Variants in AKAP13 observed in about 807,000 individuals in gnomAD.
AKAP13 encodes the protein A-kinase anchor protein 13.
AKAP13 carries 80 observed loss-of-function variants against 264.5 expected under a neutral mutation model. The observed-to-expected ratio is 0.30, with a 90% CI of 0.25 to 0.36. AKAP13 has a LOEUF of 0.36. AKAP13 is among the 10% of genes least tolerant of loss of function. The pLI, the probability that AKAP13 is intolerant of heterozygous loss-of-function variation, is 1.00. For synonymous variants in AKAP13, 1,380 were observed against 1,250.2 expected (o/e 1.10, Z -2.19); for missense variants, 3,712 against 3,435.2 (o/e 1.08, Z -2.01).
intron 2 of AKAP13, chr15:85,520,593 T>C (rs1378902221): frequency 2.0e-6 from 1 of 510,254 alleles, no homozygotes; most frequent in Non-Finnish European, 3.9e-6. Context: ...TGGCTCAAGA[T>C]TTTTGTCTGA....
intron 4 of AKAP13, among the ~76,000 whole-genome samples, chr15:85,542,354 G>A (rs1398442183): frequency 6.6e-6 from 1 of 152,096 alleles, no homozygotes; most frequent in Non-Finnish European, 1.5e-5. Flanking sequence ...GAAAAATTGT[G>A]CTTCCAAGGA....
chr15:85,566,864 G>A (rs766081811), intron 5 of AKAP13, among the ~76,000 whole-genome samples: 6 of 151,848 alleles, frequency 4.0e-5, no homozygotes, highest in East Asian at 3.9e-4. Context: ...TCCTGACCTC[G>A]TGATCTGCCT....
At chr15:85,567,876 T>C (rs892258729) in intron 5 of AKAP13, among the ~76,000 whole-genome samples, 1 of 152,064 alleles carries the variant, frequency 6.6e-6, no homozygotes, top group Non-Finnish European at 1.5e-5. Flanking sequence ...ACACCTAATA[T>C]GGAGCTTCTG....
At chr15:85,623,570 T>C (rs188076604) in intron 8 of AKAP13, among the ~76,000 whole-genome samples, 3 of 152,362 alleles carry the variant, frequency 2.0e-5, no homozygotes, top group Non-Finnish European at 2.9e-5. Flanking sequence ...TATCAAGACC[T>C]TCTTGTAAGA....
chr15:85,551,826 A>G (rs552625623), intron 5 of AKAP13, among the ~76,000 whole-genome samples: 1 of 152,360 alleles, frequency 6.6e-6, no homozygotes, highest in South Asian at 2.1e-4. Flanking sequence ...CAGGTGTGAG[A>G]AAATGAAGGA....
chr15:85,681,574 T>G (rs1453640287), intron 14 of AKAP13, among the ~76,000 whole-genome samples: 1 of 151,968 alleles, frequency 6.6e-6, no homozygotes, highest in Non-Finnish European at 1.5e-5. Context: ...GCCATCTGTT[T>G]TATCTCCCTC....
At chr15:85,616,279 G>C (rs531045775) in intron 8 of AKAP13, among the ~76,000 whole-genome samples, 2 of 152,184 alleles carry the variant, frequency 1.3e-5, no homozygotes, top group Admixed American at 1.3e-4. Context: ...CAGCCACAGT[G>C]TTGACCCATA....
chr15:85,455,050 A>G (rs1040107578), intron 1 of AKAP13, among the ~76,000 whole-genome samples: 5 of 152,168 alleles, frequency 3.3e-5, no homozygotes, highest in Non-Finnish European at 7.3e-5. Flanking sequence ...ATGGAAGTAC[A>G]TGGTTTATGT....
Position 85,658,580 on chromosome 15 carries a change from C to G in AKAP13, c.4789C>G (p.His1597Asp), listed in dbSNP as rs2083203530. The change falls in exon 12 of 37, where the codon CAT (histidine) becomes GAT (aspartate). Residue 1597 changes from histidine to aspartate, a missense_variant. This residue lies in a region of AKAP13 where 2,759 missense variants were observed against 2,411.7 expected (regional missense o/e 1.14). Transcript: ENST00000394518. The stretch of plus-strand genomic sequence containing the variant: ...GGATGTTGTCAGGAGACCTCCCATT[C>G]ATAGGAGAAGGTACAGAGTTCATTA... ...LGDVVRRPPIHRRSFSLEGLT... is the reference protein window; with the variant it reads ...LGDVVRRPPIDRRSFSLEGLT... 1.9e-6 allele frequency: 3 copies of G among 1,613,630 alleles called. No individual in the cohort carries two copies. The African/African-American group carries it at 4.0e-5, about 22-fold the overall frequency.
At chr15:85,713,288 C>T (rs969206778) in intron 19 of AKAP13, among the ~76,000 whole-genome samples, 8 of 152,146 alleles carry the variant, frequency 5.3e-5, no homozygotes, top group Non-Finnish European at 1.0e-4. Flanking sequence ...TTCACTGATT[C>T]CTTCTACCTG....
At chr15:85,442,429 T>TATATATAATATAAAATATACATATATA in intron 1 of AKAP13, among the ~76,000 whole-genome samples, 1 of 127,560 alleles carries the variant, frequency 7.8e-6, no homozygotes, top group East Asian at 2.1e-4. Flanking sequence ...AAAAAATATA[T>TATATATAATATAAAATATACATATATA]ATATATATAA....
chr15:85,741,865 C>T (rs543499081), intron 35 of AKAP13, among the ~76,000 whole-genome samples: 4 of 152,130 alleles, frequency 2.6e-5, no homozygotes, highest in South Asian at 4.1e-4. Context: ...GTCAACATGG[C>T]GAAACGGCGT....
At chr15:85,688,392 A>T (rs1206801613) in intron 16 of AKAP13, among the ~76,000 whole-genome samples, 1 of 152,200 alleles carries the variant, frequency 6.6e-6, no homozygotes, top group Non-Finnish European at 1.5e-5. Flanking sequence ...CAATTGTTTT[A>T]TTAATCTACC....
chr15:85,592,681 G>C (rs746569723), intron 8 of AKAP13, among the ~76,000 whole-genome samples: 6 of 152,080 alleles, frequency 3.9e-5, no homozygotes, highest in African/African-American at 1.4e-4. Context: ...TTAATTCTCA[G>C]TTTTTTTCAT....
At chr15:85,524,674 CTAAA>C (rs766195653) in intron 3 of AKAP13, among the ~76,000 whole-genome samples, 1 of 152,088 alleles carries the variant, frequency 6.6e-6, no homozygotes, top group East Asian at 1.9e-4. Flanking sequence ...CAATATTTCC[CTAAA>C]TAGAGTTGAC....
chr15:85,564,833 G>T (rs1567127990), intron 5 of AKAP13, among the ~76,000 whole-genome samples: 1 of 152,192 alleles, frequency 6.6e-6, no homozygotes, highest in Non-Finnish European at 1.5e-5. Context: ...AAGAGATTGT[G>T]CTGAGTGGTG....
chr15:85,742,994 A>G (rs988377173), intron 35 of AKAP13, among the ~76,000 whole-genome samples: 1 of 152,200 alleles, frequency 6.6e-6, no homozygotes, highest in African/African-American at 2.4e-5. Flanking sequence ...GGCAGCTAAG[A>G]GAACCCAGAG....
intron 13 of AKAP13, among the ~76,000 whole-genome samples, chr15:85,669,243 AAAT>A (rs745490865): frequency 2.0e-5 from 3 of 152,162 alleles, no homozygotes; most frequent in Admixed American, 6.5e-5. Context: ...GTCTAAAAAA[AAAT>A]AATAATAAAT....
chr15:85,589,513 T>C (rs1341133560), intron 8 of AKAP13, among the ~76,000 whole-genome samples: 1 of 151,688 alleles, frequency 6.6e-6, no homozygotes, highest in Non-Finnish European at 1.5e-5. Context: ...TCTGCCACTT[T>C]GGGAGGCTGA....
Sources: gnomAD v4.1 joint callset for allele counts (sites outside exome capture counted in the v4.1 genomes callset) on GRCh38, gnomAD v4.1.1 for gene constraint, gnomAD v4.1.1 regional missense constraint, MANE v1.5 for transcripts, NCBI Gene and HGNC (gene_info 2026-07-23, HGNC 2026-07-21) for gene names.